The following NRXN3 variants were observed in gnomAD, a reference collection of about 807,000 sequenced individuals.
NRXN3 encodes the protein neurexin III.
Under a neutral mutation model 137.6 loss-of-function variants are expected in NRXN3, and 32 were observed. That is an observed-to-expected ratio of 0.23 (90% CI 0.18 to 0.31). The LOEUF (loss-of-function observed/expected upper bound fraction) is 0.31. Among genes scored for constraint, NRXN3 ranks in the 10% least tolerant of loss-of-function variants. The probability of loss-of-function intolerance (pLI) is 1.00; values close to 1 mark genes in which losing one functional copy is unlikely to be tolerated. For synonymous variants in NRXN3, 798 were observed against 784.5 expected, an observed-to-expected ratio of 1.02 and a Z score of -0.29; for missense variants, 1,574 against 2,062.5, an observed-to-expected ratio of 0.76 and a Z score of 4.59.
intron 4 of NRXN3, among the ~76,000 whole-genome samples, chr14:78,351,393 A>G (rs1337019741): frequency 6.6e-6 from 1 of 152,186 alleles, no homozygotes; most frequent in Non-Finnish European, 1.5e-5. Context: ...TTTCAAATTT[A>G]TTACATACTG....
chr14:79,231,161 C>CT (rs2072114495), intron 15 of NRXN3, among the ~76,000 whole-genome samples: 1 of 152,120 alleles, frequency 6.6e-6, no homozygotes, highest in Admixed American at 6.6e-5. Flanking sequence ...ATCGGGCTGT[C>CT]TTGACTCTCT....
chr14:79,504,857 AT>A (rs1390729610), intron 16 of NRXN3, among the ~76,000 whole-genome samples: 1 of 151,918 alleles, frequency 6.6e-6, no homozygotes, highest in Non-Finnish European at 1.5e-5. Context: ...AATTATTATC[AT>A]TTTGATTTGC....
At chr14:79,358,764 C>T (rs1195220059) in intron 15 of NRXN3, among the ~76,000 whole-genome samples, 1 of 152,016 alleles carries the variant, frequency 6.6e-6, no homozygotes, top group Non-Finnish European at 1.5e-5. Context: ...AAAGCCCTCC[C>T]CCTATTCTCC....
chr14:79,488,895 A>T (rs558105237), intron 16 of NRXN3, among the ~76,000 whole-genome samples: 1 of 152,258 alleles, frequency 6.6e-6, no homozygotes, highest in East Asian at 1.9e-4. Flanking sequence ...TTGATCTCGG[A>T]GTCAGAACAA....
chr14:78,660,877 A>G (rs1018917860), intron 6 of NRXN3, among the ~76,000 whole-genome samples: 1 of 152,210 alleles, frequency 6.6e-6, no homozygotes, highest in Non-Finnish European at 1.5e-5. Flanking sequence ...TAACAAAAAG[A>G]TAGGTCCTTG....
chr14:79,376,261 T>TAC (rs2094296050), intron 15 of NRXN3, among the ~76,000 whole-genome samples: 2 of 53,820 alleles, frequency 3.7e-5, no homozygotes, highest in African/African-American at 1.1e-4. Context: ...TATATATATA[T>TAC]ATATACACAT....
chr14:78,531,165 G>A (rs1035659396), intron 4 of NRXN3, among the ~76,000 whole-genome samples: 1 of 152,046 alleles, frequency 6.6e-6, no homozygotes, highest in African/African-American at 2.4e-5. Context: ...TAGACATCCT[G>A]GGCTACTTTC....
At chr14:79,689,232 T>C (rs913373191) in intron 17 of NRXN3, among the ~76,000 whole-genome samples, 2 of 152,136 alleles carry the variant, frequency 1.3e-5, no homozygotes, top group Non-Finnish European at 2.9e-5. Context: ...CTGAATATCA[T>C]TAAAGATTTA....
At chr14:79,100,541 G>A (rs781426506) in intron 15 of NRXN3, among the ~76,000 whole-genome samples, 27 of 152,282 alleles carry the variant, frequency 1.8e-4, no homozygotes, top group Middle Eastern at 6.8e-3. Context: ...CTAGAAATGA[G>A]TTGTTAATAA....
chr14:78,459,888 G>A (rs375559229), intron 4 of NRXN3, among the ~76,000 whole-genome samples: 3 of 152,122 alleles, frequency 2.0e-5, no homozygotes, highest in African/African-American at 7.2e-5. Flanking sequence ...TGGAGATAGT[G>A]TCCAGTCCTA....
intron 15 of NRXN3, among the ~76,000 whole-genome samples, chr14:79,441,728 A>C (rs537438773): frequency 6.6e-6 from 1 of 152,028 alleles, no homozygotes; most frequent in Admixed American, 6.5e-5. Context: ...ATATGGATGG[A>C]GAGTGTGAAT....
chr14:78,258,160 G>C (rs76649811), intron 2 of NRXN3, among the ~76,000 whole-genome samples: 4 of 152,154 alleles, frequency 2.6e-5, no homozygotes, highest in African/African-American at 9.7e-5. Context: ...GATAGTGCAC[G>C]TAGAGTGCTC....
intron 4 of NRXN3, among the ~76,000 whole-genome samples, chr14:78,348,348 G>C (rs1217975236): frequency 6.6e-6 from 1 of 152,168 alleles, no homozygotes; most frequent in Admixed American, 6.5e-5. Context: ...CCCTCCATTT[G>C]TTGGCCAGTT....
At chr14:78,296,877 C>T (rs1227084471) in intron 3 of NRXN3, among the ~76,000 whole-genome samples, 1 of 151,988 alleles carries the variant, frequency 6.6e-6, no homozygotes. Context: ...GTAAGGTTCT[C>T]TGGAGTGATT....
intron 15 of NRXN3, among the ~76,000 whole-genome samples, chr14:79,201,827 T>G (rs992268498): frequency 3.1e-4 from 47 of 152,252 alleles, no homozygotes; most frequent in African/African-American, 1.1e-3. Context: ...TGCCAGGCAC[T>G]GTTCAAGCAC....
In NRXN3 at chr14:78,386,178, T is replaced by C. The variant is rs528950025; in HGVS notation, c.757+88318T>C. ...GTTACAGTAGCCAGACAGATCTATA[T>C]TCAGTTTATTATATTTGATTTTCAG... On this transcript the variant is annotated intron_variant, in intron 4 of 20. Transcript: ENST00000335750. Among the ~76,000 whole-genome samples the C allele has an allele frequency of 6.6e-5, 10 of 152,302 alleles. No individual in the cohort carries two copies. In the East Asian group the frequency reaches 1.9e-3, roughly 29 times the overall value.
chr14:78,968,264 A>G lies in NRXN3; in HGVS notation c.3060A>G (p.Ala1020=), dbSNP rs2099427830. 9.3e-6 allele frequency: 15 copies of G among 1,614,100 alleles called. No individual in the cohort carries two copies. The highest frequency in any genetic ancestry group is 1.3e-5 in the Non-Finnish European group (15 of 1,179,992). ...ASRDGFQGCL[A]SVDLNGRLPD... is the part of the protein sequence containing the mutation. ...GAGATGGCTTTCAGGGCTGTCTAGCATCAGTGGACTTGAATGGACGCCTGC... is the reference window on the plus strand; with the variant it reads ...GAGATGGCTTTCAGGGCTGTCTAGCGTCAGTGGACTTGAATGGACGCCTGC... The change falls in exon 14 of 21, where the codon GCA becomes GCG. Residue 1020 remains alanine, a synonymous_variant. Transcript: ENST00000335750.
At chr14:79,522,033 C>T (rs1416614158) in intron 16 of NRXN3, among the ~76,000 whole-genome samples, 1 of 152,102 alleles carries the variant, frequency 6.6e-6, no homozygotes, top group Non-Finnish European at 1.5e-5. Context: ...AGAAGCCTTT[C>T]TTGAAGAGGC....
intron 4 of NRXN3, among the ~76,000 whole-genome samples, chr14:78,524,963 C>T (rs149577352): frequency 3.9e-5 from 6 of 152,276 alleles, no homozygotes; most frequent in African/African-American, 1.4e-4. Context: ...GCATTCTGTG[C>T]GTAGCTAATC....
Sources: gnomAD v4.1 joint callset for allele counts (sites outside exome capture counted in the v4.1 genomes callset) on GRCh38, gnomAD v4.1.1 for gene constraint, MANE v1.5 for transcripts, NCBI Gene and HGNC (gene_info 2026-07-23, HGNC 2026-07-21) for gene names.